NTM: variants seen among roughly 807,000 people sequenced by gnomAD.
The protein encoded by NTM is neurotrimin, also known as IgLON family member 2.
Under a neutral mutation model 42.1 loss-of-function variants are expected in NTM, and 13 were observed. That is an observed-to-expected ratio of 0.31 (90% CI 0.20 to 0.49). NTM has a LOEUF of 0.49. Ranked by LOEUF, NTM falls within the 20% of genes least tolerant of loss-of-function variation. The probability of loss-of-function intolerance (pLI) is 0.99; values close to 1 mark genes in which losing one functional copy is unlikely to be tolerated. For synonymous variants in NTM, 187 were observed against 179.2 expected, an observed-to-expected ratio of 1.04 and a Z score of -0.35; for missense variants, 373 against 452.8, an observed-to-expected ratio of 0.82 and a Z score of 1.60.
intron 4 of NTM, among the ~76,000 whole-genome samples, chr11:132,225,814 A>C (rs544295996): frequency 6.6e-6 from 1 of 152,148 alleles, no homozygotes; most frequent in Non-Finnish European, 1.5e-5. Context: ...TGAACCCATC[A>C]ACCCATCATG....
chr11:132,195,926 C>G (rs1236703302), intron 3 of NTM, among the ~76,000 whole-genome samples: 2 of 152,124 alleles, frequency 1.3e-5, no homozygotes, highest in Non-Finnish European at 2.9e-5. Flanking sequence ...TCCCCAAAAG[C>G]AATAGCAACA....
Position 132,146,342 on chromosome 11 carries a change from T to C in NTM, c.228T>C (p.Tyr76=), listed in dbSNP as rs777370244. 1.9e-6 allele frequency: 3 copies of C among 1,614,196 alleles called. No homozygotes were observed. The Admixed American group carries it at 5.0e-5, about 27-fold the overall frequency. The change falls in exon 3 of 9, where the codon TAT becomes TAC. Residue 76 remains tyrosine, a synonymous_variant. Coordinates refer to ENST00000683400, the MANE Select transcript of NTM (RefSeq NM_001352005.2). The surrounding 1 kb of genome is among the most constrained non-coding windows in gnomAD (Gnocchi z 4.5). ...VAWLNRSTIL[Y]AGNDKWCLDP... Reference sequence around the variant, plus strand: ...GGCTAAACCGCAGCACCATCCTCTATGCTGGGAATGACAAGTGGTGCCTGG... The same window carrying C: ...GGCTAAACCGCAGCACCATCCTCTACGCTGGGAATGACAAGTGGTGCCTGG...
At chr11:132,180,051 CT>C (rs2077341126) in intron 3 of NTM, among the ~76,000 whole-genome samples, 2 of 152,122 alleles carry the variant, frequency 1.3e-5, no homozygotes, top group African/African-American at 4.8e-5. Context: ...TCTTAAATCT[CT>C]TTAAAGGCCT....
chr11:131,512,444 C>T (rs2048367951), intron 1 of NTM, among the ~76,000 whole-genome samples: 1 of 152,112 alleles, frequency 6.6e-6, no homozygotes, highest in Non-Finnish European at 1.5e-5. Context: ...GGAGACAGGC[C>T]CATGTGATCT....
intron 4 of NTM, among the ~76,000 whole-genome samples, chr11:132,301,685 G>A (rs1396297330): frequency 6.6e-6 from 1 of 152,222 alleles, no homozygotes; most frequent in African/African-American, 2.4e-5. Context: ...ACCTGAGATG[G>A]TGGAGAGAGC....
intron 1 of NTM, among the ~76,000 whole-genome samples, chr11:131,888,277 G>A (rs957090458): frequency 2.6e-5 from 4 of 152,026 alleles, no homozygotes; most frequent in African/African-American, 7.2e-5. Flanking sequence ...CTCCAGCCTC[G>A]GCGACAGAGT....
At chr11:131,682,360 C>T (rs573815877) in intron 1 of NTM, among the ~76,000 whole-genome samples, 1 of 152,322 alleles carries the variant, frequency 6.6e-6, no homozygotes, top group African/African-American at 2.4e-5. Flanking sequence ...TGGTTGCAGG[C>T]CACAGGGGGT....
At chr11:131,563,215 AATTATT>A (rs112213908) in intron 1 of NTM, among the ~76,000 whole-genome samples, 2,439 of 152,242 alleles carry the variant, frequency 0.016, 50 homozygotes, top group African/African-American at 0.055. Flanking sequence ...TGCAAGTGCA[AATTATT>A]ATTATTATAT....
intron 1 of NTM, among the ~76,000 whole-genome samples, chr11:131,584,884 C>G (rs75140493): frequency 6.6e-6 from 1 of 152,160 alleles, no homozygotes; most frequent in African/African-American, 2.4e-5. Context: ...CCTCTCAGTG[C>G]TGCATCGGGC....
intron 1 of NTM, among the ~76,000 whole-genome samples, chr11:131,572,038 A>C (rs2057486690): frequency 6.6e-6 from 1 of 152,234 alleles, no homozygotes; most frequent in South Asian, 2.1e-4. Flanking sequence ...ACCCATGCTC[A>C]GACATTTCAT....
rs1215646537 is a variant in NTM, at chr11:131,786,584, A to AT, written c.83-124972dup. On this transcript the variant is annotated intron_variant, in intron 1 of 8. Transcript: ENST00000683400. ...GAGTAAAATACAGAAGCTGTAGGGA[A>AT]TTTTTTTTAAAATAGTAAAACCCAG... 9.2e-5 allele frequency among the ~76,000 whole-genome samples: 14 copies of AT among 152,118 alleles called. No individual in the cohort carries two copies. In the East Asian group the frequency reaches 1.3e-3, roughly 15 times the overall value.
At chr11:131,484,295 A>T (rs138141721) in intron 1 of NTM, among the ~76,000 whole-genome samples, 35 of 152,322 alleles carry the variant, frequency 2.3e-4, no homozygotes, top group African/African-American at 8.2e-4. Flanking sequence ...CAGACTAAAG[A>T]AAGGTTTTTT....
intron 1 of NTM, among the ~76,000 whole-genome samples, chr11:131,509,823 G>A (rs573137106): frequency 1.3e-5 from 2 of 152,332 alleles, no homozygotes; most frequent in African/African-American, 4.8e-5. Flanking sequence ...CTAGAAAACT[G>A]TTTAACTGAA....
chr11:131,438,713 G>T (rs898683145), intron 1 of NTM, among the ~76,000 whole-genome samples: 1 of 152,098 alleles, frequency 6.6e-6, no homozygotes, highest in Admixed American at 6.5e-5. Context: ...TAGCTTCCTT[G>T]TGATGGATTC....
intron 2 of NTM, among the ~76,000 whole-genome samples, chr11:131,955,827 G>A (rs1233201524): frequency 1.3e-5 from 2 of 152,114 alleles, no homozygotes; most frequent in African/African-American, 4.8e-5. Context: ...TAAATATAAT[G>A]TCCGCGCTTT....
At chr11:131,738,137 G>C (rs1453713748) in intron 1 of NTM, among the ~76,000 whole-genome samples, 5 of 152,144 alleles carry the variant, frequency 3.3e-5, no homozygotes, top group Non-Finnish European at 4.4e-5. Flanking sequence ...GGGATGGATG[G>C]CCGGGGCCAG....
rs532560697 is a variant in NTM at position 132,244,729 on chromosome 11, C to G, written c.526+32582C>G. ...CAACGCAGGTGCACAGGCCCCTATG[C>G]CTGTCACTGAGAGAAAGCCTGTGAC... On this transcript the variant is annotated intron_variant, in intron 4 of 8. Transcript: ENST00000683400. 8.3e-4 allele frequency among the ~76,000 whole-genome samples: 126 copies of G among 152,308 alleles called. 2 individuals carry two copies. The highest frequency in any genetic ancestry group is 3.4e-3 in the Middle Eastern group (1 of 294).
At chr11:131,755,766 G>A (rs892059882) in intron 1 of NTM, among the ~76,000 whole-genome samples, 11 of 152,320 alleles carry the variant, frequency 7.2e-5, no homozygotes, top group Non-Finnish European at 1.6e-4. Context: ...AAGTAATGTG[G>A]ATTTTAGAGT....
chr11:132,043,321 C>T (rs2077456378), intron 2 of NTM, among the ~76,000 whole-genome samples: 1 of 152,296 alleles, frequency 6.6e-6, no homozygotes, highest in African/African-American at 2.4e-5. Flanking sequence ...ATGAGTTTGT[C>T]AGAAGCAAAA....
Sources: gnomAD v4.1 joint callset for allele counts (sites outside exome capture counted in the v4.1 genomes callset) on GRCh38, gnomAD v4.1.1 for gene constraint, Gnocchi (gnomAD v3.1) non-coding constraint, MANE v1.5 for transcripts, NCBI Gene and HGNC (gene_info 2026-07-23, HGNC 2026-07-21) for gene names.